Variants in CDH13 observed in about 807,000 individuals in gnomAD.
CDH13 encodes cadherin 13.
CDH13 carries 24 observed loss-of-function variants against 63.8 expected under a neutral mutation model. That is an observed-to-expected ratio of 0.38 (90% CI 0.27 to 0.53). CDH13 has a LOEUF of 0.53. CDH13 is among the 20% of genes least tolerant of loss of function. CDH13 has a pLI of 0.85. For synonymous variants in CDH13, 503 were observed against 355.3 expected (o/e 1.42, Z -4.67); for missense variants, 1,049 against 903.1 (o/e 1.16, Z -2.07).
intron 7 of CDH13, among the ~76,000 whole-genome samples, chr16:83,500,835 C>G (rs1356010796): frequency 6.6e-6 from 1 of 151,952 alleles, no homozygotes; most frequent in African/African-American, 2.4e-5. Context: ...CCGCCTCGGC[C>G]TCCCAAAGTA....
chr16:82,651,528 C>T (rs538300092), intron 1 of CDH13, among the ~76,000 whole-genome samples: 146 of 152,302 alleles, frequency 9.6e-4, no homozygotes, highest in Non-Finnish European at 1.6e-3. Flanking sequence ...ATATGGGTGG[C>T]GTATCTTCTT....
intron 1 of CDH13, among the ~76,000 whole-genome samples, chr16:82,739,647 A>G (rs897079456): frequency 1.3e-5 from 2 of 152,236 alleles, no homozygotes; most frequent in Non-Finnish European, 2.9e-5. Context: ...TTAATTATTT[A>G]AAATAGTTTA....
chr16:82,835,743 A>G (rs541218445), intron 1 of CDH13, among the ~76,000 whole-genome samples: 3 of 152,206 alleles, frequency 2.0e-5, no homozygotes, highest in Non-Finnish European at 4.4e-5. Context: ...CATGCACAGG[A>G]GGAAGCCAGA....
intron 7 of CDH13, among the ~76,000 whole-genome samples, chr16:83,582,283 T>A (rs8055644): frequency 0.28 from 42,536 of 149,550 alleles, 6,125 homozygotes; most frequent in South Asian, 0.37. Flanking sequence ...GGCTTAATCC[T>A]TTTTTTTTTC....
chr16:83,070,984 C>G (rs951255616), intron 3 of CDH13, among the ~76,000 whole-genome samples: 1 of 151,656 alleles, frequency 6.6e-6, no homozygotes, highest in African/African-American at 2.4e-5. Flanking sequence ...CATGATAGCA[C>G]CGTCTTAACA....
At position 82,934,571 on chromosome 16, in the gene CDH13, C is replaced by T. The variant is rs534852373; in HGVS notation, c.157+76098C>T. 1.6e-4 allele frequency among the ~76,000 whole-genome samples: 25 copies of T among 152,294 alleles called. 1 individual carries two copies. In the South Asian group the frequency reaches 3.9e-3, roughly 24 times the overall value. On this transcript the variant is annotated intron_variant, in intron 2 of 13. Transcript: ENST00000567109. ...TTCTGCAGCAGGCTTGAATTTCTCCCCAGAACATGGGTTTTTCTTTTCTAT... is the reference window on the plus strand; with the variant it reads ...TTCTGCAGCAGGCTTGAATTTCTCCTCAGAACATGGGTTTTTCTTTTCTAT...
At chr16:83,070,669 A>G (rs2032364357) in intron 3 of CDH13, among the ~76,000 whole-genome samples, 1 of 152,194 alleles carries the variant, frequency 6.6e-6, no homozygotes, top group South Asian at 2.1e-4. Context: ...GAGACGCCCA[A>G]GAAGATGATT....
chr16:83,607,242 A>C (rs978475982), intron 8 of CDH13, among the ~76,000 whole-genome samples: 43 of 151,968 alleles, frequency 2.8e-4, no homozygotes, highest in Admixed American at 2.8e-3. Context: ...ATATGGTGAA[A>C]CCCTGTCTCT....
intron 4 of CDH13, among the ~76,000 whole-genome samples, chr16:83,157,696 C>A (rs2037266054): frequency 7.1e-6 from 1 of 141,166 alleles, no homozygotes; most frequent in Non-Finnish European, 1.5e-5. Flanking sequence ...AGATTTAGAA[C>A]ATCCGGGCTA....
intron 8 of CDH13, among the ~76,000 whole-genome samples, chr16:83,647,693 C>G (rs924791703): frequency 1.8e-4 from 28 of 152,174 alleles, no homozygotes; most frequent in African/African-American, 6.3e-4. Context: ...TGATTCCCCT[C>G]AAATGGCCCA....
rs537708118 is a variant in CDH13, at chr16:83,083,110, A to G, written c.367-42275A>G. Among the ~76,000 whole-genome samples, 4 of 152,356 alleles carry G rather than the reference A, an allele frequency of 2.6e-5. No individual in the cohort carries two copies. The East Asian group carries it at 7.7e-4, about 29-fold the overall frequency. ...CATGTTCTCTAAATATCTTCACTAA[A>G]TGTAAAGTAATTGGACATTTATAAG... On this transcript the variant is annotated intron_variant, in intron 3 of 13. Transcript: ENST00000567109.
intron 2 of CDH13, among the ~76,000 whole-genome samples, chr16:82,882,932 C>A (rs1424727171): frequency 1.3e-5 from 2 of 152,058 alleles, no homozygotes; most frequent in Admixed American, 1.3e-4. Context: ...ATAAGCCTAC[C>A]CCTTTAATGG....
chr16:83,684,039 TGAG>T (rs1262330388), intron 10 of CDH13, among the ~76,000 whole-genome samples: 2 of 152,170 alleles, frequency 1.3e-5, no homozygotes, highest in Admixed American at 6.5e-5. Flanking sequence ...GTATCTCTAA[TGAG>T]GAGAGGACTT....
At chr16:82,717,488 C>T (rs2032459540) in intron 1 of CDH13, among the ~76,000 whole-genome samples, 1 of 148,242 alleles carries the variant, frequency 6.7e-6, no homozygotes, top group African/African-American at 2.5e-5. Flanking sequence ...TACTCTCTTA[C>T]AATCCTGGAA....
At chr16:83,496,132 C>T (rs1238599292) in intron 7 of CDH13, among the ~76,000 whole-genome samples, 1 of 152,054 alleles carries the variant, frequency 6.6e-6, no homozygotes, top group Admixed American at 6.6e-5. Context: ...CTACCAATGA[C>T]TTTCTTCACA....
intron 11 of CDH13, among the ~76,000 whole-genome samples, chr16:83,760,798 C>CAG (rs919097984): frequency 6.6e-6 from 1 of 152,164 alleles, no homozygotes; most frequent in South Asian, 2.1e-4. Context: ...TGCATGGCTG[C>CAG]AGAGAGAGAG....
At chr16:82,856,374 CAAA>C (rs71382852) in intron 1 of CDH13, among the ~76,000 whole-genome samples, 7 of 95,890 alleles carry the variant, frequency 7.3e-5, no homozygotes, top group East Asian at 8.4e-4. Context: ...GACTCCATCT[CAAA>C]AAAAAAAAAA....
chr16:83,408,277 A>G (rs1419491149), intron 6 of CDH13, among the ~76,000 whole-genome samples: 1 of 152,172 alleles, frequency 6.6e-6, no homozygotes, highest in African/African-American at 2.4e-5. Context: ...ACACATACAC[A>G]TATTCACACA....
chr16:83,121,561 G>A (rs769170907), intron 3 of CDH13, among the ~76,000 whole-genome samples: 137 of 152,120 alleles, frequency 9.0e-4, no homozygotes, highest in Non-Finnish European at 1.4e-3. Context: ...GATAGTGGTC[G>A]GAACATGGTC....
Sources: gnomAD v4.1 joint callset for allele counts (sites outside exome capture counted in the v4.1 genomes callset) on GRCh38, gnomAD v4.1.1 for gene constraint, MANE v1.5 for transcripts, NCBI Gene and HGNC (gene_info 2026-07-23, HGNC 2026-07-21) for gene names.